CGGBP1: variants seen among roughly 807,000 people sequenced by gnomAD.
CGGBP1 encodes CGG triplet repeat binding protein 1.
In CGGBP1, 4 loss-of-function variants were observed where a neutral mutation model predicts 11.4. That is an observed-to-expected ratio of 0.35 (90% CI 0.17 to 0.80). The LOEUF (loss-of-function observed/expected upper bound fraction) is 0.80. Among genes scored for constraint, CGGBP1 ranks in the 30% least tolerant of loss-of-function variants. The pLI is 0.52. For synonymous variants in CGGBP1, 76 were observed against 74.1 expected, an observed-to-expected ratio of 1.03 and a Z score of -0.13; for missense variants, 135 against 202.1, an observed-to-expected ratio of 0.67 and a Z score of 2.01.
intron 2 of CGGBP1, among the ~76,000 whole-genome samples, chr3:88,134,632 T>C (rs115113218): frequency 0.011 from 1,646 of 152,252 alleles, 18 homozygotes; most frequent in African/African-American, 0.038. Flanking sequence ...TTAGTACTTT[T>C]GATATCTTAA....
At chr3:88,056,122 A>G (rs1706536299) in intron 3 of CGGBP1, 123 bp from the exon 4 acceptor site, 1 of 672,186 alleles carries the variant, frequency 1.5e-6, no homozygotes, top group Non-Finnish European at 2.4e-6. Context: ...AAATTAGTAG[A>G]CTGTGTGTCT....
chr3:88,148,849 CG>C (rs1707356403), intron 1 of CGGBP1, among the ~76,000 whole-genome samples: 1 of 152,018 alleles, frequency 6.6e-6, no homozygotes, highest in East Asian at 1.9e-4. Context: ...TTATGTTGGC[CG>C]GGCTGGTCTC....
chr3:88,061,622 G>T (rs1214132719), upstream of CGGBP1, among the ~76,000 whole-genome samples: 1 of 152,042 alleles, frequency 6.6e-6, no homozygotes, highest in East Asian at 1.9e-4. Context: ...CTTTTAGATG[G>T]AATAAAATAT....
At chr3:88,084,203 G>GAAGCTATAAT (rs1448415120) in intron 2 of CGGBP1, among the ~76,000 whole-genome samples, 1 of 152,162 alleles carries the variant, frequency 6.6e-6, no homozygotes, top group Non-Finnish European at 1.5e-5. Flanking sequence ...ATGAATGAAG[G>GAAGCTATAAT]AAGCTATAAT....
At chr3:88,060,540 G>A (rs566688463), upstream of CGGBP1, among the ~76,000 whole-genome samples, 19 of 152,104 alleles carry the variant, frequency 1.2e-4, no homozygotes, top group African/African-American at 3.6e-4. Context: ...CATTAATTTG[G>A]GTGTATAGGG....
intron 2 of CGGBP1, among the ~76,000 whole-genome samples, chr3:88,067,006 T>G (rs1389123196): frequency 6.6e-6 from 1 of 152,208 alleles, no homozygotes; most frequent in Non-Finnish European, 1.5e-5. Context: ...TATGAAATCC[T>G]AAAGTCTAGT....
chr3:88,063,208 C>G (rs1318806477), upstream of CGGBP1, among the ~76,000 whole-genome samples: 1 of 152,096 alleles, frequency 6.6e-6, no homozygotes, highest in South Asian at 2.1e-4. Context: ...ATGGCTCTAA[C>G]AACAAAGAAT....
At chr3:88,087,375 G>C (rs1264097453) in intron 2 of CGGBP1, among the ~76,000 whole-genome samples, 1 of 152,114 alleles carries the variant, frequency 6.6e-6, no homozygotes, top group Non-Finnish European at 1.5e-5. Context: ...ACACCTGGCT[G>C]AAAATCCTGG....
chr3:88,116,219 C>T (rs933395826), intron 2 of CGGBP1, among the ~76,000 whole-genome samples: 4 of 152,130 alleles, frequency 2.6e-5, no homozygotes, highest in Non-Finnish European at 4.4e-5. Flanking sequence ...TTTATACCCA[C>T]ATTAAAAATA....
intron 2 of CGGBP1, among the ~76,000 whole-genome samples, chr3:88,084,470 T>C (rs1407260293): frequency 6.6e-6 from 1 of 152,198 alleles, no homozygotes; most frequent in Non-Finnish European, 1.5e-5. Context: ...TCCTCTTTTT[T>C]AGTCTGTAGT....
At chr3:88,128,702 T>G (rs1706269023) in intron 2 of CGGBP1, 1 of 696,360 alleles carries the variant, frequency 1.4e-6, no homozygotes, top group Non-Finnish European at 2.3e-6. Context: ...GCTATTTAAG[T>G]AGTTAAATCT....
upstream of CGGBP1, chr3:88,059,117 A>C: frequency 1.0e-6 from 1 of 984,096 alleles, no homozygotes; most frequent in Non-Finnish European, 1.4e-6. Flanking sequence ...GGCGGGCATG[A>C]ACATGATTGG....
At chr3:88,073,134 C>T (rs1289179432) in intron 2 of CGGBP1, among the ~76,000 whole-genome samples, 1 of 128,320 alleles carries the variant, frequency 7.8e-6, no homozygotes, top group Non-Finnish European at 1.8e-5. Context: ...GATCTCCAGA[C>T]CAACAGTATG....
intron 2 of CGGBP1, among the ~76,000 whole-genome samples, chr3:88,087,962 C>A (rs971679230): frequency 1.3e-5 from 2 of 152,166 alleles, no homozygotes; most frequent in South Asian, 4.1e-4. Flanking sequence ...TGGAACGTTA[C>A]AGATTTCAGA....
chr3:88,129,665 G>A, intron 2 of CGGBP1: 2 of 1,379,596 alleles, frequency 1.4e-6, no homozygotes, highest in South Asian at 1.7e-5. Flanking sequence ...TATATGAACT[G>A]ATTTCTCTTT....
intron 2 of CGGBP1, among the ~76,000 whole-genome samples, chr3:88,069,500 A>G (rs1198259636): frequency 2.0e-5 from 3 of 152,232 alleles, no homozygotes; most frequent in Non-Finnish European, 4.4e-5. Flanking sequence ...TGAGATAGTA[A>G]CAATGGCTCA....
upstream of CGGBP1, among the ~76,000 whole-genome samples, chr3:88,059,789 T>C (rs1188784552): frequency 1.3e-5 from 2 of 152,132 alleles, no homozygotes; most frequent in Non-Finnish European, 2.9e-5. Context: ...TGTCCTGACA[T>C]GCCTTCCCTA....
At chr3:88,129,465 T>C (rs1706319579) in intron 2 of CGGBP1, among the ~76,000 whole-genome samples, 1 of 152,144 alleles carries the variant, frequency 6.6e-6, no homozygotes, top group African/African-American at 2.4e-5. Context: ...TATGTACCTA[T>C]AGGTTGTGGA....
At chr3:88,060,794 A>T (rs1559682590), upstream of CGGBP1, among the ~76,000 whole-genome samples, 1 of 152,150 alleles carries the variant, frequency 6.6e-6, no homozygotes, top group Admixed American at 6.5e-5. Context: ...CTTGTAAGGA[A>T]TTTCTTTCAA....
Sources: allele counts gnomAD v4.1 joint callset (sites outside exome capture counted in the v4.1 genomes callset), GRCh38; gene constraint gnomAD v4.1.1; transcripts MANE v1.5; gene names NCBI Gene and HGNC (gene_info 2026-07-23, HGNC 2026-07-21).